DST: variants seen among roughly 807,000 people sequenced by gnomAD.
DST encodes the protein bullous pemphigoid antigen.
Under a neutral mutation model 875.2 loss-of-function variants are expected in DST, and 253 were observed. That is an observed-to-expected ratio of 0.29 (90% CI 0.26 to 0.32). The LOEUF is 0.32. Ranked by LOEUF, DST falls within the 10% of genes least tolerant of loss-of-function variation. The probability of loss-of-function intolerance (pLI) is 1.00; values close to 1 mark genes in which losing one functional copy is unlikely to be tolerated. For synonymous variants in DST, 3,124 were observed against 3,197.1 expected (o/e 0.98, Z 0.77); for missense variants, 8,287 against 9,111.6 (o/e 0.91, Z 3.68).
intron 4 of DST, among the ~76,000 whole-genome samples, chr6:56,743,272 A>G (rs2099554351): frequency 6.6e-6 from 1 of 152,154 alleles, no homozygotes; most frequent in Admixed American, 6.5e-5. Context: ...AATTCCAAAA[A>G]ACAAACAAAC....
Position 56,608,982 on chromosome 6 carries a change from C to A in DST, c.5646G>T (p.Leu1882=). The A allele has an allele frequency of 6.2e-7, 1 of 1,613,766 alleles. No homozygotes were observed. The highest frequency in any genetic ancestry group is 1.1e-5 in the South Asian group (1 of 91,076). Reference sequence around the variant, plus strand: ...ACTGTTCTCCTGTGGCTGGAATAACCAGAGAGCCTGTAGAAAGCAGTATCT... The same window carrying A: ...ACTGTTCTCCTGTGGCTGGAATAACAAGAGAGCCTGTAGAAAGCAGTATCT... ...VLEILLSTGS[L]VIPATGEQLT... Residue 1882 remains leucine, a synonymous_variant, in exon 40 of 104, where the codon CTG becomes CTT. Coordinates refer to ENST00000680361, the MANE Select transcript of DST (RefSeq NM_001374736.1).
At chr6:56,949,182 T>C (rs1479766789) in intron 2 of DST, among the ~76,000 whole-genome samples, 1 of 152,254 alleles carries the variant, frequency 6.6e-6, no homozygotes, top group African/African-American at 2.4e-5. Context: ...GAAAATATTT[T>C]GTTTCAATTC....
intron 2 of DST, among the ~76,000 whole-genome samples, chr6:56,912,816 A>G (rs574786796): frequency 6.6e-6 from 1 of 152,330 alleles, no homozygotes; most frequent in East Asian, 1.9e-4. Context: ...TGTAAATGGC[A>G]CACATCATTT....
chr6:56,615,441 C>T (rs987939215), intron 36 of DST: 9 of 1,604,008 alleles, frequency 5.6e-6, no homozygotes, highest in East Asian at 2.3e-5. Context: ...CATATGTAGC[C>T]GATATCATCA....
At chr6:56,812,621 A>G (rs1590977116) in intron 4 of DST, among the ~76,000 whole-genome samples, 1 of 152,366 alleles carries the variant, frequency 6.6e-6, no homozygotes, top group East Asian at 1.9e-4. Context: ...TAAATGTGGG[A>G]CATTATTGAA....
intron 4 of DST, among the ~76,000 whole-genome samples, chr6:56,830,914 C>CCTACAGTATGGTGTTCT (rs2099786186): frequency 6.6e-6 from 1 of 152,144 alleles, no homozygotes; most frequent in African/African-American, 2.4e-5. Context: ...GCCACAATTA[C>CCTACAGTATGGTGTTCT]CTACAGTATG....
Position 56,606,446 on chromosome 6 carries a change from C to T in DST, c.8182G>A (p.Glu2728Lys). The change falls in exon 40 of 104, where the codon GAA (glutamate) becomes AAA (lysine). Residue 2728 changes from glutamate (E) to lysine (K), a missense_variant. Glu to Lys is a moderately conservative substitution (Grantham distance 56). This residue lies in a region of DST where 3,138 missense variants were observed against 3,116.6 expected (regional missense o/e 1.01). Coordinates refer to ENST00000680361, the MANE Select transcript of DST (RefSeq NM_001374736.1). ...GQSLETGSER[E>K]CTNILEGDES... Reference sequence around the variant, plus strand: ...TCACCTTCAAGGATATTTGTGCATTCCCTTTCTGATCCAGTTTCCAGTGAC... The same window carrying T: ...TCACCTTCAAGGATATTTGTGCATTTCCTTTCTGATCCAGTTTCCAGTGAC... 1.2e-6 allele frequency: 2 copies of T among 1,613,292 alleles called. No individual in the cohort carries two copies. Among genetic ancestry groups the T allele is most frequent in the Non-Finnish European group, 1.7e-6 (2 of 1,179,464 alleles).
At chr6:56,518,006 G>A (rs1353998779) in intron 69 of DST, among the ~76,000 whole-genome samples, 1 of 152,008 alleles carries the variant, frequency 6.6e-6, no homozygotes, top group Non-Finnish European at 1.5e-5. Flanking sequence ...CCTATGATAT[G>A]CAACTAACAT....
At chr6:56,813,388 AAT>A (rs1491353192) in intron 4 of DST, among the ~76,000 whole-genome samples, 1 of 138,794 alleles carries the variant, frequency 7.2e-6, no homozygotes, top group African/African-American at 2.9e-5. Flanking sequence ...GTATAATAAT[AAT>A]AAAAAAAAAA....
chr6:56,573,058 C>T lies in DST; in HGVS notation c.13243G>A (p.Glu4415Lys), dbSNP rs976294831. ...CTCTGACGACCTGCAATATCCTGTT[C>T]CAACATCTAAAATAAACCAAATATT... ...QDIISKNIML[E>K]QDIAGRQSSI... Residue 4415 changes from glutamate to lysine, a missense_variant, in exon 52 of 104, where the codon GAA (glutamate) becomes AAA (lysine). This residue lies in a region of DST where 1,513 missense variants were observed against 1,677.8 expected (regional missense o/e 0.90). Transcript: ENST00000680361. 1.1e-5 allele frequency: 17 copies of T among 1,551,344 alleles called. No homozygotes were observed. Among genetic ancestry groups the T allele is most frequent in the Admixed American group, 2.1e-5 (1 of 47,734 alleles).
chr6:56,822,217 T>C (rs2099773834), intron 4 of DST, among the ~76,000 whole-genome samples: 1 of 152,188 alleles, frequency 6.6e-6, no homozygotes, highest in Non-Finnish European at 1.5e-5. Context: ...ATCACAGTTT[T>C]GGGGCAATAA....
chr6:56,712,435 A>C (rs2099373665), intron 5 of DST, among the ~76,000 whole-genome samples: 2 of 152,198 alleles, frequency 1.3e-5, no homozygotes, highest in Admixed American at 1.3e-4. Flanking sequence ...ATTATCACTT[A>C]ACGTGTCTAA....
chr6:56,537,607 C>G (rs530171967), intron 61 of DST, among the ~76,000 whole-genome samples: 1 of 152,332 alleles, frequency 6.6e-6, no homozygotes, highest in East Asian at 1.9e-4. Context: ...ATACAATGAC[C>G]TCACCCCATG....
intron 10 of DST, among the ~76,000 whole-genome samples, chr6:56,665,540 G>A (rs1442859520): frequency 1.3e-5 from 2 of 152,044 alleles, no homozygotes; most frequent in Admixed American, 6.6e-5. Flanking sequence ...TAGTTACATG[G>A]AAGTATATGA....
intron 2 of DST, among the ~76,000 whole-genome samples, chr6:56,908,978 G>A (rs973579036): frequency 1.3e-5 from 2 of 152,118 alleles, no homozygotes; most frequent in African/African-American, 4.8e-5. Flanking sequence ...CCTCTGGGCT[G>A]CCCTGTCTAT....
intron 36 of DST, chr6:56,615,703 G>T: frequency 6.2e-7 from 1 of 1,614,134 alleles, no homozygotes; most frequent in Non-Finnish European, 8.5e-7. Context: ...TTGTGGCAAT[G>T]AGGACATCTA....
At position 56,494,164 on chromosome 6, in the gene DST, A is replaced by G. The variant is rs1554250151; in HGVS notation, c.20240T>C (p.Phe6747Ser). The G allele has an allele frequency of 1.2e-6, 2 of 1,603,256 alleles. No individual in the cohort carries two copies. The highest frequency in any genetic ancestry group is 1.7e-4 in the Middle Eastern group (1 of 6,026). ...CTTATATGTTTCTTCTTTAGCTTCA[A>G]AGGCAGCACAGACTTCCTAAATTGA... ...LNVHMEVCAA[F>S]EAKEETYKSL... Residue 6747 changes from phenylalanine (F) to serine (S), a missense_variant, in exon 83 of 104, where the codon TTT becomes TCT. By Grantham distance (155) the Phe-to-Ser change is radical. Coordinates refer to ENST00000680361, the MANE Select transcript of DST (RefSeq NM_001374736.1).
chr6:56,918,752 G>A (rs1171826348), intron 2 of DST, among the ~76,000 whole-genome samples: 3 of 152,112 alleles, frequency 2.0e-5, no homozygotes, highest in African/African-American at 7.2e-5. Context: ...TGGACAAAAG[G>A]CATTTTGGCA....
chr6:56,463,700 A>G lies in DST; in HGVS notation c.22824T>C (p.Gly7608=). The change falls in exon 101 of 104, where the codon GGT becomes GGC. Residue 7608 remains glycine, a synonymous_variant. Transcript: ENST00000680361. ...KFILADGASQ[G]MAAFRPRGRR... Reference sequence around the variant, plus strand: ...GGCCTCGGGGTCGGAAAGCAGCCATACCCTGGCTGGCACCATCTGCTAAAA... The same window carrying G: ...GGCCTCGGGGTCGGAAAGCAGCCATGCCCTGGCTGGCACCATCTGCTAAAA... 1 of 1,613,936 alleles carries G rather than the reference A, an allele frequency of 6.2e-7. No individual in the cohort carries two copies.
Sources: allele counts gnomAD v4.1 joint callset (sites outside exome capture counted in the v4.1 genomes callset), GRCh38; gene constraint gnomAD v4.1.1; regional missense constraint gnomAD v4.1.1; transcripts MANE v1.5; gene names NCBI Gene and HGNC (gene_info 2026-07-23, HGNC 2026-07-21).